Variants in OPCML observed in about 807,000 individuals in gnomAD.
OPCML encodes opioid binding protein/cell adhesion molecule like, also known as opioid-binding protein/cell adhesion molecule.
A neutral mutation model predicts 37.8 loss-of-function variants in OPCML; 13 were observed. The observed-to-expected ratio is 0.34, with a 90% CI of 0.22 to 0.55. The LOEUF is 0.55. OPCML is among the 20% of genes least tolerant of loss of function. The pLI, the probability that OPCML is intolerant of heterozygous loss-of-function variation, is 0.91. For missense variants in OPCML, 341 were observed against 435.6 expected, an observed-to-expected ratio of 0.78 and a Z score of 1.93; for synonymous variants, 176 against 168.8, an observed-to-expected ratio of 1.04 and a Z score of -0.33.
intron 1 of OPCML, among the ~76,000 whole-genome samples, chr11:133,352,002 A>G (rs530691721): frequency 1.3e-5 from 2 of 152,170 alleles, no homozygotes; most frequent in Admixed American, 1.3e-4. Context: ...TGCTGCCCCC[A>G]CAGGTTTTGC....
chr11:132,914,295 C>T (rs1944534824), intron 2 of OPCML, among the ~76,000 whole-genome samples: 1 of 152,246 alleles, frequency 6.6e-6, no homozygotes, highest in South Asian at 2.1e-4. Context: ...CAGTACAAGT[C>T]AATATCGCTT....
At chr11:132,585,816 T>C (rs1388037815) in intron 3 of OPCML, among the ~76,000 whole-genome samples, 1 of 152,212 alleles carries the variant, frequency 6.6e-6, no homozygotes, top group Non-Finnish European at 1.5e-5. Context: ...GGATCTTAAA[T>C]AGTTTTAAGA....
intron 1 of OPCML, among the ~76,000 whole-genome samples, chr11:133,364,579 G>A (rs1445778064): frequency 6.6e-6 from 1 of 152,104 alleles, no homozygotes; most frequent in Non-Finnish European, 1.5e-5. Flanking sequence ...CTCAGACTGG[G>A]CCTCAGTTTT....
chr11:133,315,262 A>C (rs575914247), intron 1 of OPCML, among the ~76,000 whole-genome samples: 113 of 152,310 alleles, frequency 7.4e-4, no homozygotes, highest in African/African-American at 2.7e-3. Context: ...AATGACAATA[A>C]AATTTAATTG....
At chr11:132,467,771 T>C (rs1220006560) in intron 4 of OPCML, among the ~76,000 whole-genome samples, 5 of 152,172 alleles carry the variant, frequency 3.3e-5, no homozygotes, top group African/African-American at 9.7e-5. Flanking sequence ...ATTGTGGAGA[T>C]CACAGCCTCT....
chr11:132,920,730 G>A (rs891638881), intron 2 of OPCML, among the ~76,000 whole-genome samples: 8 of 152,130 alleles, frequency 5.3e-5, no homozygotes, highest in Admixed American at 1.3e-4. Context: ...GGCAAAACAC[G>A]GGTAATTGGA....
chr11:132,995,318 G>A (rs1411308903), intron 1 of OPCML, among the ~76,000 whole-genome samples: 2 of 152,058 alleles, frequency 1.3e-5, no homozygotes, highest in African/African-American at 4.8e-5. Context: ...TTACATCTAG[G>A]GGCTAAGGCT....
chr11:132,787,556 G>A (rs1947256268), intron 2 of OPCML, among the ~76,000 whole-genome samples: 2 of 151,772 alleles, frequency 1.3e-5, no homozygotes, highest in African/African-American at 4.8e-5. Flanking sequence ...CAGGTCTGCT[G>A]ATGTTAAAAA....
At chr11:133,475,451 C>T (rs190020324) in intron 1 of OPCML, among the ~76,000 whole-genome samples, 22 of 152,224 alleles carry the variant, frequency 1.4e-4, no homozygotes, top group Admixed American at 1.2e-3. Flanking sequence ...GAGACAACCC[C>T]ACAACATCCA....
chr11:132,812,265 T>C (rs1015606467), intron 2 of OPCML, among the ~76,000 whole-genome samples: 1 of 152,136 alleles, frequency 6.6e-6, no homozygotes, highest in South Asian at 2.1e-4. Flanking sequence ...TTGCAAAGTA[T>C]AGATCAGTTT....
intron 1 of OPCML, among the ~76,000 whole-genome samples, chr11:133,531,235 A>G (rs1948599372): frequency 6.6e-6 from 1 of 152,152 alleles, no homozygotes; most frequent in African/African-American, 2.4e-5. Flanking sequence ...CTTGCAAAGG[A>G]CTCCTGTGCA....
At chr11:133,465,922 A>G (rs1422415085) in intron 1 of OPCML, among the ~76,000 whole-genome samples, 1 of 152,256 alleles carries the variant, frequency 6.6e-6, no homozygotes, top group Non-Finnish European at 1.5e-5. Context: ...GAGTTCAAGC[A>G]TAAATGTTTC....
chr11:132,985,738 T>C (rs1591880997), intron 1 of OPCML, among the ~76,000 whole-genome samples: 1 of 152,352 alleles, frequency 6.6e-6, no homozygotes, highest in South Asian at 2.1e-4. Flanking sequence ...ACAGGGTACC[T>C]GCACTAGGTC....
At chr11:133,193,271 GCTT>G (rs1275491070) in intron 1 of OPCML, among the ~76,000 whole-genome samples, 2 of 152,122 alleles carry the variant, frequency 1.3e-5, no homozygotes, top group African/African-American at 4.8e-5. Flanking sequence ...AGGTGGGCTG[GCTT>G]CTTTTTAGTT....
At chr11:133,158,378 C>G (rs1413741281) in intron 1 of OPCML, among the ~76,000 whole-genome samples, 1 of 152,100 alleles carries the variant, frequency 6.6e-6, no homozygotes, top group East Asian at 1.9e-4. Context: ...AATACAAATA[C>G]TATATTCCTA....
chr11:133,082,052 T>C (rs1405497555), intron 1 of OPCML, among the ~76,000 whole-genome samples: 3 of 151,938 alleles, frequency 2.0e-5, no homozygotes, highest in Non-Finnish European at 4.4e-5. Context: ...CGTTCTTTAC[T>C]GGCGCCATTC....
chr11:133,032,580 A>G (rs1043722795), intron 1 of OPCML, among the ~76,000 whole-genome samples: 56 of 152,230 alleles, frequency 3.7e-4, no homozygotes, highest in African/African-American at 1.3e-3. Context: ...ACAGCAGTAA[A>G]TGGCAAAAGA....
intron 2 of OPCML, 47 bp downstream of exon 2, chr11:132,942,879 C>T (rs773976326): frequency 6.3e-7 from 1 of 1,583,806 alleles, no homozygotes; most frequent in East Asian, 2.3e-5. Flanking sequence ...CTCTCCCCAG[C>T]GACCACAGCC....
intron 4 of OPCML, among the ~76,000 whole-genome samples, chr11:132,495,894 CAAAAA>C (rs202115452): frequency 2.0e-5 from 2 of 100,092 alleles, no homozygotes. Flanking sequence ...GACTCCATCT[CAAAAA>C]AAAAAAAAAA....
Sources: allele counts gnomAD v4.1 joint callset (sites outside exome capture counted in the v4.1 genomes callset), GRCh38; gene constraint gnomAD v4.1.1; transcripts MANE v1.5; gene names NCBI Gene and HGNC (gene_info 2026-07-23, HGNC 2026-07-21).